DCUN1D4: variants seen among roughly 807,000 people sequenced by gnomAD.
The protein encoded by DCUN1D4 is DCN1-like protein 4.
DCUN1D4 carries 22 observed loss-of-function variants against 47.9 expected under a neutral mutation model. The observed-to-expected ratio is 0.46, with a 90% CI of 0.33 to 0.66. The LOEUF is 0.66. DCUN1D4 is among the 30% of genes least tolerant of loss of function. The pLI is 0.02. For synonymous variants in DCUN1D4, 121 were observed against 112.2 expected, an observed-to-expected ratio of 1.08 and a Z score of -0.50; for missense variants, 301 against 340.8, an observed-to-expected ratio of 0.88 and a Z score of 0.92.
At chr4:51,890,343 A>G (rs1560500045) in intron 6 of DCUN1D4, among the ~76,000 whole-genome samples, 2 of 152,164 alleles carry the variant, frequency 1.3e-5, no homozygotes, top group Non-Finnish European at 2.9e-5. Context: ...ATGGTGTTTT[A>G]ATGGTTTTGA....
chr4:51,867,718 T>C (rs1726185816), intron 3 of DCUN1D4, among the ~76,000 whole-genome samples: 1 of 152,176 alleles, frequency 6.6e-6, no homozygotes, highest in South Asian at 2.1e-4. Flanking sequence ...TGGGCAGCCA[T>C]GAGCTGGCCT....
intron 8 of DCUN1D4, among the ~76,000 whole-genome samples, chr4:51,902,220 G>T (rs115533860): frequency 2.6e-5 from 4 of 152,090 alleles, no homozygotes; most frequent in African/African-American, 7.2e-5. Flanking sequence ...TATTTTATGC[G>T]TACTTTAAAA....
chr4:51,837,111 A>C, the DCUN1D4 span, among the ~76,000 whole-genome samples: 1 of 152,208 alleles, frequency 6.6e-6, no homozygotes, highest in East Asian at 1.9e-4. Flanking sequence ...GCACCTTCTG[A>C]GATCAAATTT....
At chr4:51,908,067 C>A (rs1733160186) in intron 8 of DCUN1D4, among the ~76,000 whole-genome samples, 1 of 152,066 alleles carries the variant, frequency 6.6e-6, no homozygotes, top group African/African-American at 2.4e-5. Context: ...ATATTTATTC[C>A]ATTTATAAAA....
chr4:51,834,080 C>CTTTTT, the DCUN1D4 span, among the ~76,000 whole-genome samples: 1 of 69,074 alleles, frequency 1.4e-5, no homozygotes, highest in Non-Finnish European at 2.6e-5. Flanking sequence ...CTCTCTCTCT[C>CTTTTT]TCTCTCTTTT....
chr4:51,857,485 T>G (rs542544666), intron 1 of DCUN1D4, among the ~76,000 whole-genome samples: 2 of 152,346 alleles, frequency 1.3e-5, no homozygotes, highest in South Asian at 4.1e-4. Flanking sequence ...AAGGAGTGCT[T>G]CTCAGACTTC....
At chr4:51,899,709 TCTC>T (rs1335626147) in intron 8 of DCUN1D4, among the ~76,000 whole-genome samples, 3 of 152,146 alleles carry the variant, frequency 2.0e-5, no homozygotes, top group African/African-American at 2.4e-5. Context: ...CAACAAACCT[TCTC>T]CTGTTGAGTT....
chr4:51,856,341 C>T (rs1020083373), intron 1 of DCUN1D4, among the ~76,000 whole-genome samples: 2 of 152,040 alleles, frequency 1.3e-5, no homozygotes, highest in Non-Finnish European at 2.9e-5. Context: ...GCTTTAGTGA[C>T]CAGAAGAGCG....
intron 7 of DCUN1D4, among the ~76,000 whole-genome samples, chr4:51,898,352 G>C (rs745559754): frequency 2.0e-5 from 3 of 152,158 alleles, no homozygotes; most frequent in Non-Finnish European, 2.9e-5. Flanking sequence ...AGGGGACCTT[G>C]TGGCAGGGGG....
intron 6 of DCUN1D4, among the ~76,000 whole-genome samples, chr4:51,891,148 C>T (rs1730363729): frequency 6.6e-6 from 1 of 152,244 alleles, no homozygotes; most frequent in South Asian, 2.1e-4. Flanking sequence ...GTGTCTCCCC[C>T]TGTCCACCTT....
chr4:51,844,068 A>G (rs956917091), intron 1 of DCUN1D4, among the ~76,000 whole-genome samples: 2 of 145,920 alleles, frequency 1.4e-5, no homozygotes, highest in African/African-American at 5.1e-5. Flanking sequence ...GAAGAGGAGA[A>G]AAAGGTGGGT....
intron 3 of DCUN1D4, among the ~76,000 whole-genome samples, chr4:51,870,139 C>T (rs537330641): frequency 6.6e-6 from 1 of 152,196 alleles, no homozygotes; most frequent in South Asian, 2.1e-4. Flanking sequence ...TAAAATAGCT[C>T]ATTTTCTGAA....
intron 7 of DCUN1D4, among the ~76,000 whole-genome samples, chr4:51,895,588 A>C (rs13107121): frequency 1.6e-5 from 2 of 124,026 alleles, no homozygotes; most frequent in Non-Finnish European, 3.5e-5. Context: ...AAAAAAAAAA[A>C]CAGTGACAAT....
chr4:51,899,208 C>A, intron 7 of DCUN1D4, 62 bp from the exon 8 acceptor site: 1 of 1,477,890 alleles, frequency 6.8e-7, no homozygotes, highest in Non-Finnish European at 8.9e-7. Context: ...ATATTACTGC[C>A]TCTATTAAAA....
chr4:51,900,576 A>T (rs927694593), intron 8 of DCUN1D4, among the ~76,000 whole-genome samples: 3 of 152,142 alleles, frequency 2.0e-5, no homozygotes, highest in African/African-American at 7.2e-5. Flanking sequence ...CAAAACAAAT[A>T]AAAAAATTTA....
chr4:51,859,083 T>G (rs144624962), intron 1 of DCUN1D4, among the ~76,000 whole-genome samples: 64 of 152,322 alleles, frequency 4.2e-4, no homozygotes, highest in African/African-American at 1.5e-3. Context: ...CTGACTTCCT[T>G]CTTTTCCCCA....
At chr4:51,895,353 A>G (rs1731078989) in intron 7 of DCUN1D4, among the ~76,000 whole-genome samples, 1 of 151,914 alleles carries the variant, frequency 6.6e-6, no homozygotes, top group Non-Finnish European at 1.5e-5. Context: ...CTTATGGCTT[A>G]TGCCTGGGCT....
upstream of DCUN1D4, among the ~76,000 whole-genome samples, chr4:51,841,180 G>A (rs1258643843): frequency 6.6e-6 from 1 of 151,906 alleles, no homozygotes; most frequent in African/African-American, 2.4e-5. Context: ...TGTCACGAAG[G>A]AAGCCCTTTT....
chr4:51,886,812 G>A, intron 6 of DCUN1D4, 174 bp downstream of exon 6: 1 of 594,522 alleles, frequency 1.7e-6, no homozygotes, highest in Admixed American at 3.0e-5. Context: ...CTCCATTCTT[G>A]TAAGTGATAT....
Sources: allele counts gnomAD v4.1 joint callset (sites outside exome capture counted in the v4.1 genomes callset), GRCh38; gene constraint gnomAD v4.1.1; transcripts MANE v1.5; gene names NCBI Gene and HGNC (gene_info 2026-07-23, HGNC 2026-07-21).